MAGI2: variants seen among roughly 807,000 people sequenced by gnomAD.
MAGI2 encodes the protein membrane-associated guanylate kinase, WW and PDZ domain-containing protein 2.
In MAGI2, 35 loss-of-function variants were observed where a neutral mutation model predicts 133.3. That is an observed-to-expected ratio of 0.26 (90% confidence interval 0.20 to 0.35). The LOEUF (loss-of-function observed/expected upper bound fraction) is 0.35, where lower values mean the gene tolerates loss of function less well. Among genes scored for constraint, MAGI2 ranks in the 10% least tolerant of loss-of-function variants. The probability of loss-of-function intolerance (pLI) is 1.00; values close to 1 mark genes in which losing one functional copy is unlikely to be tolerated. For synonymous variants in MAGI2, 729 were observed against 710.6 expected, an observed-to-expected ratio of 1.03 and a Z score of -0.41; for missense variants, 1,636 against 1,863.4, an observed-to-expected ratio of 0.88 and a Z score of 2.25.
At chr7:78,603,885 C>G (rs1337170688) in intron 3 of MAGI2, among the ~76,000 whole-genome samples, 8 of 152,108 alleles carry the variant, frequency 5.3e-5, no homozygotes, top group African/African-American at 1.9e-4. Context: ...GTTCAAATGG[C>G]TAACATTTGT....
At chr7:78,567,759 A>G (rs577916368) in intron 3 of MAGI2, among the ~76,000 whole-genome samples, 2 of 152,300 alleles carry the variant, frequency 1.3e-5, no homozygotes, top group African/African-American at 4.8e-5. Flanking sequence ...TCATTAAAAC[A>G]AAACACAACA....
chr7:78,617,278 T>C (rs1038741338), intron 3 of MAGI2: 1 of 152,142 alleles, frequency 6.6e-6, no homozygotes, highest in African/African-American at 2.4e-5. Flanking sequence ...TTGAAGACAG[T>C]GTAAGTCAAA....
At chr7:78,549,463 A>G (rs1286650814) in intron 3 of MAGI2, among the ~76,000 whole-genome samples, 1 of 151,990 alleles carries the variant, frequency 6.6e-6, no homozygotes, top group African/African-American at 2.4e-5. Context: ...GCATCCATCC[A>G]ATCTGGAGAA....
intron 2 of MAGI2, among the ~76,000 whole-genome samples, chr7:78,703,735 G>C (rs1818310737): frequency 6.6e-6 from 1 of 151,736 alleles, no homozygotes; most frequent in Admixed American, 6.6e-5. Flanking sequence ...CTGAAACTTA[G>C]TTTATATACC....
intron 6 of MAGI2, among the ~76,000 whole-genome samples, chr7:78,373,562 G>A (rs2151273694): frequency 6.8e-6 from 1 of 147,122 alleles, no homozygotes; most frequent in Non-Finnish European, 1.5e-5. Flanking sequence ...CTATTGGAGG[G>A]CTCCTACTCA....
At position 78,524,208 on chromosome 7, in the gene MAGI2, AG is replaced by A. The variant is rs541643143; in HGVS notation, c.539-2564del. On this transcript the variant is annotated intron_variant, in intron 3 of 21. Coordinates refer to ENST00000354212, the MANE Select transcript of MAGI2 (RefSeq NM_012301.4). ...CCCTACCGTCCACTGATTTTATCTCAGGGGCCTCCCCGGGTAGAAAGAGCCT... is the reference window on the plus strand; with the variant it reads ...CCCTACCGTCCACTGATTTTATCTCAGGGCCTCCCCGGGTAGAAAGAGCCT... Among the ~76,000 whole-genome samples the A allele has an allele frequency of 3.9e-5, 6 of 152,254 alleles. No homozygotes were observed. In the East Asian group the frequency reaches 1.2e-3, roughly 29 times the overall value.
At chr7:78,041,192 T>C (rs1810796506) in intron 21 of MAGI2, among the ~76,000 whole-genome samples, 1 of 152,170 alleles carries the variant, frequency 6.6e-6, no homozygotes, top group Admixed American at 6.5e-5. Context: ...CCTCAGACAC[T>C]GCACAAGAAG....
At chr7:79,254,291 G>C (rs188243249) in intron 1 of MAGI2, among the ~76,000 whole-genome samples, 40 of 120,368 alleles carry the variant, frequency 3.3e-4, no homozygotes, top group African/African-American at 9.5e-4. Context: ...ACACGCTTTA[G>C]AAGTATCTTC....
intron 18 of MAGI2, among the ~76,000 whole-genome samples, chr7:78,128,382 C>T (rs17595113): frequency 0.12 from 17,849 of 152,110 alleles, 1,387 homozygotes; most frequent in Non-Finnish European, 0.18. Context: ...GCCATGGTAA[C>T]AGTCTATAAT....
intron 1 of MAGI2, among the ~76,000 whole-genome samples, chr7:79,407,596 T>A (rs979671772): frequency 6.6e-6 from 1 of 152,142 alleles, no homozygotes; most frequent in African/African-American, 2.4e-5. Flanking sequence ...GAGGTTGGTA[T>A]GACGAACATT....
chr7:78,325,521 C>G (rs1237602913), intron 9 of MAGI2, among the ~76,000 whole-genome samples: 3 of 152,234 alleles, frequency 2.0e-5, no homozygotes, highest in Non-Finnish European at 4.4e-5. Flanking sequence ...ACATACTTGA[C>G]TCGTTCTCCA....
chr7:78,731,265 A>C (rs990164023), intron 2 of MAGI2, among the ~76,000 whole-genome samples: 1 of 152,140 alleles, frequency 6.6e-6, no homozygotes, highest in African/African-American at 2.4e-5. Context: ...CAGTAAAAGA[A>C]TTAGAACTGT....
intron 1 of MAGI2, among the ~76,000 whole-genome samples, chr7:79,252,786 A>T (rs889969672): frequency 2.0e-5 from 3 of 152,158 alleles, no homozygotes; most frequent in African/African-American, 7.2e-5. Flanking sequence ...TTATGACTTA[A>T]TATTAAGAGA....
chr7:79,372,286 T>A (rs999476585), intron 1 of MAGI2, among the ~76,000 whole-genome samples: 3 of 152,100 alleles, frequency 2.0e-5, no homozygotes, highest in African/African-American at 7.2e-5. Context: ...AGAATGAAAC[T>A]ATCCCAGGAG....
intron 2 of MAGI2, among the ~76,000 whole-genome samples, chr7:78,964,958 T>G (rs1803177286): frequency 6.6e-6 from 1 of 151,952 alleles, no homozygotes; most frequent in Non-Finnish European, 1.5e-5. Flanking sequence ...AGAAAAAGAA[T>G]CATAGAGATT....
At chr7:78,775,320 T>TAAAAAAAAAAAAAAAAAAAAAAAAAAAAA (rs3086258) in intron 2 of MAGI2, among the ~76,000 whole-genome samples, 1 of 57,358 alleles carries the variant, frequency 1.7e-5, no homozygotes, top group Non-Finnish European at 3.1e-5. Flanking sequence ...CGTCTCAAAT[T>TAAAAAAAAAAAAAAAAAAAAAAAAAAAAA]AAAAAAAAAA....
At chr7:79,141,507 T>C (rs1426226189) in intron 1 of MAGI2, among the ~76,000 whole-genome samples, 3 of 152,178 alleles carry the variant, frequency 2.0e-5, no homozygotes, top group African/African-American at 7.2e-5. Flanking sequence ...TATCTCTCAT[T>C]ACTTCTAAAA....
rs574290399 is a variant in MAGI2, at chr7:78,681,944, G to A, written c.419-54705C>T. Among the ~76,000 whole-genome samples the A allele has an allele frequency of 1.1e-4, 17 of 152,120 alleles. 1 individual carries two copies. Among genetic ancestry groups the A allele is most frequent in the South Asian group, 4.1e-4 (2 of 4,820 alleles). On this transcript the variant is annotated intron_variant, in intron 2 of 21. Coordinates refer to ENST00000354212, the MANE Select transcript of MAGI2 (RefSeq NM_012301.4). ...TCTTACTGCAATGGTGAAGATGTGC[G>A]AAAGAATAGTCTTTAGGGCAAAGAC...
intron 1 of MAGI2, among the ~76,000 whole-genome samples, chr7:79,270,216 A>G (rs1205800191): frequency 1.3e-5 from 2 of 152,120 alleles, no homozygotes; most frequent in African/African-American, 2.4e-5. Flanking sequence ...CAATTTGTCC[A>G]TAAAAACCCT....
Sources: gnomAD v4.1 joint callset for allele counts (sites outside exome capture counted in the v4.1 genomes callset) on GRCh38, gnomAD v4.1.1 for gene constraint, MANE v1.5 for transcripts, NCBI Gene and HGNC (gene_info 2026-07-23, HGNC 2026-07-21) for gene names.